Variants in NTM observed in about 807,000 individuals in gnomAD.
The protein encoded by NTM is neurotrimin.
A neutral mutation model predicts 42.1 loss-of-function variants in NTM; 13 were observed. The ratio of observed to expected loss-of-function variants is 0.31; its 90% CI spans 0.20 to 0.49. The LOEUF is 0.49. Among genes scored for constraint, NTM ranks in the 20% least tolerant of loss-of-function variants. The pLI is 0.99. For synonymous variants in NTM, 187 were observed against 179.2 expected (o/e 1.04, Z -0.35); for missense variants, 373 against 452.8 (o/e 0.82, Z 1.60).
intron 4 of NTM, among the ~76,000 whole-genome samples, chr11:132,285,598 T>C (rs748985619): frequency 7.9e-5 from 12 of 152,102 alleles, no homozygotes; most frequent in Non-Finnish European, 1.3e-4. Flanking sequence ...GCACCACCCA[T>C]TACACTTATC....
chr11:131,393,052 C>T (rs142543913), intron 1 of NTM, among the ~76,000 whole-genome samples: 194 of 152,276 alleles, frequency 1.3e-3, no homozygotes, highest in African/African-American at 3.3e-3. Context: ...CCACACCACT[C>T]CCCTGCCGTC....
chr11:131,402,960 T>C (rs115839237), intron 1 of NTM, among the ~76,000 whole-genome samples: 1 of 152,216 alleles, frequency 6.6e-6, no homozygotes, highest in Admixed American at 6.5e-5. Context: ...ATACTCCATG[T>C]GGATGACAAG....
intron 1 of NTM, among the ~76,000 whole-genome samples, chr11:131,674,308 G>A (rs2070970714): frequency 6.6e-6 from 1 of 152,226 alleles, no homozygotes; most frequent in Non-Finnish European, 1.5e-5. Flanking sequence ...AGACATTCTT[G>A]TCACTCCTAG....
chr11:132,296,839 G>C (rs930049005), intron 4 of NTM, among the ~76,000 whole-genome samples: 3 of 152,216 alleles, frequency 2.0e-5, no homozygotes, highest in Non-Finnish European at 2.9e-5. Context: ...GAGGGGCAAG[G>C]CATTCAAAAG....
chr11:131,899,018 G>C (rs1395611604), intron 1 of NTM, among the ~76,000 whole-genome samples: 5 of 152,300 alleles, frequency 3.3e-5, no homozygotes, highest in African/African-American at 1.2e-4. Context: ...AATGTAGGCT[G>C]ACACGGGGAT....
At chr11:132,119,546 T>G (rs1296978024) in intron 2 of NTM, among the ~76,000 whole-genome samples, 2 of 152,180 alleles carry the variant, frequency 1.3e-5, no homozygotes, top group African/African-American at 4.8e-5. Flanking sequence ...TGGGAATAAT[T>G]AACCTTCTTA....
In NTM at chr11:131,487,444, G is replaced by A. The variant is rs549810884; in HGVS notation, c.82+116556G>A. On this transcript the variant is annotated intron_variant, in intron 1 of 8. Coordinates refer to ENST00000683400, the MANE Select transcript of NTM (RefSeq NM_001352005.2). The stretch of plus-strand genomic sequence containing the variant: ...AGATAAGCTAATTGATTGGTTAAAG[G>A]TTACCAAGCTAGTAAATTATAAACC... 3.3e-5 allele frequency among the ~76,000 whole-genome samples: 5 copies of A among 152,260 alleles called. No individual in the cohort carries two copies. In the South Asian group the frequency reaches 8.3e-4, roughly 25 times the overall value.
intron 2 of NTM, among the ~76,000 whole-genome samples, chr11:131,961,869 A>G (rs2062219806): frequency 6.6e-6 from 1 of 152,098 alleles, no homozygotes; most frequent in Non-Finnish European, 1.5e-5. Context: ...TAGTCCCTGC[A>G]TTCGAAACAT....
chr11:131,761,274 C>T, intron 1 of NTM, among the ~76,000 whole-genome samples: 1 of 152,068 alleles, frequency 6.6e-6, no homozygotes, highest in South Asian at 2.1e-4. Flanking sequence ...TTTACAGGTG[C>T]GGTAACTGAA....
intron 1 of NTM, among the ~76,000 whole-genome samples, chr11:131,707,979 C>G (rs1346608578): frequency 2.0e-5 from 3 of 152,104 alleles, no homozygotes; most frequent in Admixed American, 1.3e-4. Context: ...AAAATTGCCT[C>G]TCTTTGTATT....
At chr11:131,597,377 G>A (rs1164310668) in intron 1 of NTM, among the ~76,000 whole-genome samples, 1 of 151,532 alleles carries the variant, frequency 6.6e-6, no homozygotes, top group African/African-American at 2.4e-5. Flanking sequence ...GCCTCCACTT[G>A]CGCTGCTTTC....
At chr11:131,565,391 G>A (rs186198166) in intron 1 of NTM, among the ~76,000 whole-genome samples, 62 of 152,280 alleles carry the variant, frequency 4.1e-4, no homozygotes, top group African/African-American at 1.2e-3. Context: ...GCGTCTCCTC[G>A]TGAGGTTTCC....
chr11:131,893,951 C>T (rs2051803094), intron 1 of NTM, among the ~76,000 whole-genome samples: 1 of 152,166 alleles, frequency 6.6e-6, no homozygotes, highest in African/African-American at 2.4e-5. Context: ...ATATCTAGTC[C>T]TTCTACTGTG....
intron 2 of NTM, among the ~76,000 whole-genome samples, chr11:131,931,118 T>C (rs2058551702): frequency 6.6e-6 from 1 of 152,180 alleles, no homozygotes; most frequent in Middle Eastern, 3.2e-3. Flanking sequence ...AATTAAATTT[T>C]GGATTTTCAT....
chr11:131,769,333 T>A (rs774287163), intron 1 of NTM, among the ~76,000 whole-genome samples: 2 of 152,150 alleles, frequency 1.3e-5, no homozygotes, highest in Non-Finnish European at 2.9e-5. Context: ...CTGAAGCTAC[T>A]CTTTCAATTA....
chr11:131,491,585 G>A (rs994972497), intron 1 of NTM, among the ~76,000 whole-genome samples: 2 of 152,096 alleles, frequency 1.3e-5, no homozygotes, highest in Non-Finnish European at 2.9e-5. Context: ...TAGACCAGAG[G>A]CTTCACTCTG....
In NTM at chr11:131,987,898, C is replaced by T. The variant is rs560227599; in HGVS notation, c.167+76250C>T. Among the ~76,000 whole-genome samples, 148 of 152,210 alleles carry T rather than the reference C, an allele frequency of 9.7e-4. 1 individual carries two copies. Among genetic ancestry groups the T allele is most frequent in the Non-Finnish European group, 1.1e-3 (77 of 68,044 alleles). ...GCCAGTGGGCTAAATGCTGGAAACG[C>T]AGAGATGACTCATGCACACTGTCTA... On this transcript the variant is annotated intron_variant, in intron 2 of 8. Coordinates refer to ENST00000683400, the MANE Select transcript of NTM (RefSeq NM_001352005.2).
chr11:132,027,892 T>G (rs1362334775), intron 2 of NTM, among the ~76,000 whole-genome samples: 1 of 152,224 alleles, frequency 6.6e-6, no homozygotes, highest in Non-Finnish European at 1.5e-5. Flanking sequence ...CCTTTTGTAG[T>G]TGGATATTCT....
At chr11:132,071,622 A>C (rs2057684869) in intron 2 of NTM, among the ~76,000 whole-genome samples, 1 of 152,192 alleles carries the variant, frequency 6.6e-6, no homozygotes, top group Admixed American at 6.5e-5. Flanking sequence ...TATTTAGAAT[A>C]AGCTAAACTT....
Sources: allele counts gnomAD v4.1 joint callset (sites outside exome capture counted in the v4.1 genomes callset), GRCh38; gene constraint gnomAD v4.1.1; transcripts MANE v1.5; gene names NCBI Gene and HGNC (gene_info 2026-07-23, HGNC 2026-07-21).